Variants in PCDHGB6 observed in about 807,000 individuals in gnomAD.
PCDHGB6 encodes the protein protocadherin gamma subfamily B, 6, also known as protocadherin gamma-B6.
Under a neutral mutation model 59.1 loss-of-function variants are expected in PCDHGB6, and 51 were observed. The observed-to-expected ratio is 0.86, with a 90% confidence interval of 0.69 to 1.09. PCDHGB6 has a LOEUF of 1.09. PCDHGB6 is among the 50% of genes least tolerant of loss of function. The pLI, the probability that PCDHGB6 is intolerant of heterozygous loss-of-function variation, is 0.00. For synonymous variants in PCDHGB6, 466 were observed against 495.1 expected (o/e 0.94, Z 0.78); for missense variants, 1,148 against 1,205.1 (o/e 0.95, Z 0.70).
chr5:141,476,187 G>T lies in PCDHGB6; in HGVS notation c.2419-18620G>T. 1 of 1,613,782 alleles carries T rather than the reference G, an allele frequency of 6.2e-7. No individual in the cohort carries two copies. The highest frequency in any genetic ancestry group is 8.5e-7 in the Non-Finnish European group (1 of 1,180,028). ...GTAGTGGGAGTTTTGCTTCTGCTTG[G>T]TGCCTTGAACAAGGCTTCCACGGTC... On this transcript the variant is annotated intron_variant, in intron 1 of 3. Transcript: ENST00000520790. This position sits in a 1 kb window ranked among gnomAD's most constrained non-coding sequence, Gnocchi z 7.6.
chr5:141,475,167 G>T (rs529813171), intron 1 of PCDHGB6, among the ~76,000 whole-genome samples: 1 of 152,160 alleles, frequency 6.6e-6, no homozygotes, highest in Admixed American at 6.5e-5. Flanking sequence ...CATTAGCAGT[G>T]CAACTTCTTG....
chr5:141,421,548 G>A, intron 1 of PCDHGB6: 19 of 1,613,984 alleles, frequency 1.2e-5, no homozygotes, highest in Non-Finnish European at 1.6e-5. Flanking sequence ...TTTTAAATAT[G>A]GAACTTCTCG....
At chr5:141,428,018 C>A in intron 1 of PCDHGB6, 12 of 1,604,570 alleles carry the variant, frequency 7.5e-6, no homozygotes, top group Middle Eastern at 1.7e-4. Context: ...TAGTGCCACG[C>A]GCCGCAGAGT....
intron 1 of PCDHGB6, chr5:141,413,123 A>T: frequency 6.5e-7 from 1 of 1,526,818 alleles, no homozygotes. Flanking sequence ...GAACCGGTTG[A>T]AACACACAAC....
Position 141,476,500 on chromosome 5 carries a change from C to A in PCDHGB6, c.2419-18307C>A. The A allele has an allele frequency of 6.2e-7, 1 of 1,613,874 alleles. No homozygotes were observed. The highest frequency in any genetic ancestry group is 8.5e-7 in the Non-Finnish European group (1 of 1,179,950). ...GCGTGGAAGTGGTGATCCAGGACAT[C>A]AACGACAACAATCCTGCTTTCCCTA... On this transcript the variant is annotated intron_variant, in intron 1 of 3. Coordinates refer to ENST00000520790, the MANE Select transcript of PCDHGB6 (RefSeq NM_018926.3). The surrounding 1 kb of genome is among the most constrained non-coding windows in gnomAD (Gnocchi z 7.6).
At chr5:141,502,134 C>T (rs566073996) in intron 2 of PCDHGB6, among the ~76,000 whole-genome samples, 10 of 152,288 alleles carry the variant, frequency 6.6e-5, no homozygotes, top group African/African-American at 2.2e-4. Flanking sequence ...AGAGCTCAGT[C>T]GGGCCGGAAG....
chr5:141,510,398 G>A (rs2099880972), intron 3 of PCDHGB6, among the ~76,000 whole-genome samples: 1 of 152,064 alleles, frequency 6.6e-6, no homozygotes, highest in African/African-American at 2.4e-5. Flanking sequence ...CTTGGCAAAG[G>A]CTAGGGGCAT....
chr5:141,463,910 A>G (rs2099071862), intron 1 of PCDHGB6, among the ~76,000 whole-genome samples: 1 of 152,178 alleles, frequency 6.6e-6, no homozygotes, highest in Admixed American at 6.5e-5. Flanking sequence ...CTAATAATAT[A>G]TCCTGGAAAT....
In PCDHGB6 at chr5:141,512,022, C is replaced by T. The variant is rs2154594692; in HGVS notation, c.*849C>T. The T allele has an allele frequency of 6.5e-6, 1 of 152,990 alleles. No individual in the cohort carries two copies. The highest frequency in any genetic ancestry group is 1.9e-4 in the East Asian group (1 of 5,186). The allele number at this position is 152,990 out of a possible 1,614,324, so 9.5% of individuals were successfully genotyped here. A position where few individuals can be genotyped will look rare whatever the true frequency, so the allele number is the denominator to read the frequency against. The stretch of plus-strand genomic sequence containing the variant: ...AGCTTGACACATCAAGTTATCAAGG[C>T]CTTGGAGGAGGCTCTGTATGTCCTC... On this transcript the variant is annotated 3_prime_UTR_variant, in exon 4 of 4. Transcript: ENST00000520790.
chr5:141,482,740 G>A (rs1288861437), intron 1 of PCDHGB6, among the ~76,000 whole-genome samples: 1 of 127,398 alleles, frequency 7.8e-6, no homozygotes, highest in African/African-American at 3.6e-5. Context: ...GAAATTCCAT[G>A]CAGAGGGATT....
chr5:141,427,822 T>C (rs1446832816), intron 1 of PCDHGB6: 1 of 1,534,220 alleles, frequency 6.5e-7, no homozygotes, highest in Non-Finnish European at 8.9e-7. Flanking sequence ...GGGGTGGTGG[T>C]CGCGCAGCGT....
chr5:141,434,010 T>C (rs772136259), intron 1 of PCDHGB6, among the ~76,000 whole-genome samples: 26 of 152,224 alleles, frequency 1.7e-4, no homozygotes, highest in Non-Finnish European at 3.1e-4. Flanking sequence ...TATATGTTTG[T>C]TTCTATGATT....
At chr5:141,414,781 G>A (rs755811755) in intron 1 of PCDHGB6, 1 of 1,614,230 alleles carries the variant, frequency 6.2e-7, no homozygotes, top group Admixed American at 1.7e-5. Context: ...ACAGATGCAG[G>A]TGACAGCCAG....
Position 141,477,100 on chromosome 5 carries a change from C to T in PCDHGB6, c.2419-17707C>T, listed in dbSNP as rs970613825. Reference sequence around the variant, plus strand: ...TTTACATCCAGGCCAAAGACAAGGGCGCCAATCCCGAAGGAGCACATTGCA... The same window carrying T: ...TTTACATCCAGGCCAAAGACAAGGGTGCCAATCCCGAAGGAGCACATTGCA... On this transcript the variant is annotated intron_variant, in intron 1 of 3. Transcript: ENST00000520790. The surrounding 1 kb of genome is among the most constrained non-coding windows in gnomAD (Gnocchi z 4.9). 1 of 1,614,098 alleles carries T rather than the reference C, an allele frequency of 6.2e-7. No homozygotes were observed. Among genetic ancestry groups the T allele is most frequent in the African/African-American group, 1.3e-5 (1 of 74,932 alleles).
At chr5:141,430,217 T>C (rs1055487905) in intron 1 of PCDHGB6, among the ~76,000 whole-genome samples, 1 of 150,102 alleles carries the variant, frequency 6.7e-6, no homozygotes, top group Non-Finnish European at 1.5e-5. Context: ...TATTATATTA[T>C]ATGATTTGTC....
chr5:141,420,357 CT>C, intron 1 of PCDHGB6: 1 of 1,376,278 alleles, frequency 7.3e-7, no homozygotes, highest in Non-Finnish European at 9.6e-7. Context: ...TTTTAAGATT[CT>C]AGATAACTTC....
chr5:141,423,253 C>G (rs750278899), intron 1 of PCDHGB6: 1 of 1,613,916 alleles, frequency 6.2e-7, no homozygotes, highest in Admixed American at 1.7e-5. Flanking sequence ...CCTGGCGGAC[C>G]TCGGCAGCCT....
At chr5:141,428,146 C>T (rs549173211) in intron 1 of PCDHGB6, 15 of 1,589,346 alleles carry the variant, frequency 9.4e-6, no homozygotes, top group East Asian at 2.2e-5. Context: ...GGGCTGCACA[C>T]GGGAACCTGC....
intron 1 of PCDHGB6, among the ~76,000 whole-genome samples, chr5:141,494,496 T>A (rs147870810): frequency 2.9e-3 from 442 of 152,264 alleles, no homozygotes; most frequent in Non-Finnish European, 4.9e-3. Flanking sequence ...ATGCCTTCAG[T>A]CCTTGAATTT....
Sources: gnomAD v4.1 joint callset for allele counts (sites outside exome capture counted in the v4.1 genomes callset) on GRCh38, gnomAD v4.1.1 for gene constraint, Gnocchi (gnomAD v3.1) non-coding constraint, MANE v1.5 for transcripts, NCBI Gene and HGNC (gene_info 2026-07-23, HGNC 2026-07-21) for gene names.